Variants in CNTN6 observed in about 807,000 individuals in gnomAD.
CNTN6 encodes the protein contactin 6.
A neutral mutation model predicts 122.8 loss-of-function variants in CNTN6; 137 were observed. The observed-to-expected ratio is 1.12, with a 90% CI of 0.97 to 1.29. The LOEUF (loss-of-function observed/expected upper bound fraction) is 1.29. Among genes scored for constraint, CNTN6 ranks in the 50% most tolerant of loss-of-function variants. CNTN6 has a pLI of 0.00. For synonymous variants in CNTN6, 570 were observed against 426.0 expected, an observed-to-expected ratio of 1.34 and a Z score of -4.16; for missense variants, 1,634 against 1,223.4, an observed-to-expected ratio of 1.34 and a Z score of -5.01.
chr3:1,246,054 T>C (rs1329920895), intron 4 of CNTN6, among the ~76,000 whole-genome samples: 1 of 152,204 alleles, frequency 6.6e-6, no homozygotes, highest in Non-Finnish European at 1.5e-5. Flanking sequence ...TATTAATTTA[T>C]GCTCTTCTTT....
chr3:1,259,048 T>C (rs1346822895), intron 4 of CNTN6, among the ~76,000 whole-genome samples: 3 of 152,148 alleles, frequency 2.0e-5, no homozygotes, highest in African/African-American at 7.2e-5. Context: ...AAACAGACAG[T>C]GAGTAGGATT....
At chr3:1,365,039 C>T (rs1304330238) in intron 12 of CNTN6, among the ~76,000 whole-genome samples, 2 of 151,930 alleles carry the variant, frequency 1.3e-5, no homozygotes, top group East Asian at 3.9e-4. Context: ...AGAAATGTTC[C>T]TCCCTATTCT....
chr3:1,186,180 T>C (rs72999857), intron 2 of CNTN6, among the ~76,000 whole-genome samples: 13,639 of 152,274 alleles, frequency 0.09, 735 homozygotes, highest in Non-Finnish European at 0.13. Context: ...TATGTATTTA[T>C]GAAAGTCATT....
At chr3:1,101,547 G>A (rs2090897394) in intron 1 of CNTN6, among the ~76,000 whole-genome samples, 1 of 152,082 alleles carries the variant, frequency 6.6e-6, no homozygotes, top group Admixed American at 6.5e-5. Context: ...TCACTTGCTG[G>A]TATTTTATTT....
intron 4 of CNTN6, among the ~76,000 whole-genome samples, chr3:1,233,665 G>A (rs1187557016): frequency 1.4e-5 from 2 of 144,276 alleles, no homozygotes; most frequent in African/African-American, 2.6e-5. Context: ...AACCCGGGAG[G>A]CAGAGGTTGC....
At chr3:1,124,862 A>G (rs2125075565) in intron 1 of CNTN6, among the ~76,000 whole-genome samples, 1 of 152,024 alleles carries the variant, frequency 6.6e-6, no homozygotes. Flanking sequence ...AGCATTGCCC[A>G]TGCCATAGCA....
intron 11 of CNTN6, among the ~76,000 whole-genome samples, chr3:1,346,034 C>A (rs144369807): frequency 4.3e-4 from 64 of 150,062 alleles, no homozygotes; most frequent in Non-Finnish European, 8.9e-5. Context: ...CCTCTTTGTC[C>A]TCAAACTTTG....
intron 2 of CNTN6, among the ~76,000 whole-genome samples, chr3:1,179,745 C>T (rs1047925379): frequency 2.0e-5 from 3 of 152,086 alleles, no homozygotes; most frequent in African/African-American, 7.2e-5. Flanking sequence ...AGGATTCTAC[C>T]ACAGTCATTT....
At chr3:1,293,200 A>G (rs1695624438) in intron 5 of CNTN6, among the ~76,000 whole-genome samples, 1 of 152,082 alleles carries the variant, frequency 6.6e-6, no homozygotes, top group African/African-American at 2.4e-5. Context: ...CCTCCCCACT[A>G]TTAATAGATT....
chr3:1,125,017 A>G (rs1013050754), intron 1 of CNTN6, among the ~76,000 whole-genome samples: 39 of 152,074 alleles, frequency 2.6e-4, no homozygotes, highest in African/African-American at 9.1e-4. Flanking sequence ...CTTGTTTTTA[A>G]GTTATAGAAT....
At chr3:1,143,253 T>G (rs543901610) in intron 1 of CNTN6, among the ~76,000 whole-genome samples, 2 of 152,152 alleles carry the variant, frequency 1.3e-5, no homozygotes, top group South Asian at 4.1e-4. Context: ...ACTCTTTCCT[T>G]GAAGTGTTTG....
At chr3:1,355,453 G>T (rs1238742157) in intron 12 of CNTN6, among the ~76,000 whole-genome samples, 1 of 151,552 alleles carries the variant, frequency 6.6e-6, no homozygotes, top group African/African-American at 2.4e-5. Context: ...TCACTGCCAA[G>T]GAATTATTAT....
chr3:1,121,734 A>G (rs1360296533), intron 1 of CNTN6, among the ~76,000 whole-genome samples: 1 of 151,944 alleles, frequency 6.6e-6, no homozygotes, highest in East Asian at 1.9e-4. Flanking sequence ...ATGACTACGA[A>G]GTAGTCTAGT....
At chr3:1,373,838 T>C (rs2126144794) in intron 15 of CNTN6, 76 bp downstream of exon 15, 2 of 1,460,268 alleles carry the variant, frequency 1.4e-6, no homozygotes, top group East Asian at 5.1e-5. Context: ...GCAATTACAT[T>C]TTAAATTAAT....
intron 7 of CNTN6, among the ~76,000 whole-genome samples, chr3:1,310,430 A>G (rs1479208800): frequency 6.6e-6 from 1 of 152,150 alleles, no homozygotes; most frequent in African/African-American, 2.4e-5. Context: ...ATTTTCTAAT[A>G]TTGAACCATC....
chr3:1,263,466 C>T (rs1023442287), intron 4 of CNTN6, among the ~76,000 whole-genome samples: 12 of 152,094 alleles, frequency 7.9e-5, no homozygotes, highest in Admixed American at 7.2e-4. Context: ...CGGCAATACA[C>T]AAAGTGGTGG....
At chr3:1,175,109 G>A (rs922794521) in intron 2 of CNTN6, among the ~76,000 whole-genome samples, 7 of 150,630 alleles carry the variant, frequency 4.6e-5, no homozygotes, top group African/African-American at 7.3e-5. Context: ...TGGTGTGCCT[G>A]TAGTCACAGA....
intron 8 of CNTN6, among the ~76,000 whole-genome samples, chr3:1,322,113 G>C (rs1700946130): frequency 6.6e-6 from 1 of 151,528 alleles, no homozygotes; most frequent in African/African-American, 2.4e-5. Flanking sequence ...ATAATAAAAG[G>C]AAGCATGAAC....
intron 4 of CNTN6, 23 bp downstream of exon 4, chr3:1,228,016 A>C (rs1277247211): frequency 6.2e-7 from 1 of 1,602,136 alleles, no homozygotes; most frequent in South Asian, 1.1e-5. Flanking sequence ...TAAATTTTGT[A>C]ATCTTTGTCT....
Sources: gnomAD v4.1 joint callset for allele counts (sites outside exome capture counted in the v4.1 genomes callset) on GRCh38, gnomAD v4.1.1 for gene constraint, MANE v1.5 for transcripts, NCBI Gene and HGNC (gene_info 2026-07-23, HGNC 2026-07-21) for gene names.